Variants in MLLT6 observed in about 807,000 individuals in gnomAD.
MLLT6 encodes protein AF-17.
MLLT6 carries 22 observed loss-of-function variants against 103.0 expected under a neutral mutation model. The observed-to-expected ratio is 0.21, with a 90% CI of 0.15 to 0.31. The LOEUF (loss-of-function observed/expected upper bound fraction) is 0.31, where lower values mean the gene tolerates loss of function less well. Ranked by LOEUF, MLLT6 falls within the 10% of genes least tolerant of loss-of-function variation. The probability of loss-of-function intolerance (pLI) is 1.00; values close to 1 mark genes in which losing one functional copy is unlikely to be tolerated. For synonymous variants in MLLT6, 606 were observed against 623.5 expected (o/e 0.97, Z 0.42); for missense variants, 1,199 against 1,441.7 (o/e 0.83, Z 2.73).
chr17:38,710,992 C>T (rs115402669), intron 6 of MLLT6, among the ~76,000 whole-genome samples: 375 of 152,182 alleles, frequency 2.5e-3, no homozygotes, highest in African/African-American at 8.5e-3. Context: ...GGCCGTAATC[C>T]CAGGTTGTCC....
At position 38,724,892 on chromosome 17, in the gene MLLT6, C is replaced by A; in HGVS notation, c.3156C>A (p.Gly1052=). The A allele has an allele frequency of 6.4e-7, 1 of 1,556,006 alleles. No homozygotes were observed. The highest frequency in any genetic ancestry group is 8.7e-7 in the Non-Finnish European group (1 of 1,149,916). ...CAGCTGCAGCAGTAGCAGCAGCAGG[C>A]GGACCTCCAGTCCTCACTGCCCAGA... ...AAAAAAVAAA[G]GPPVLTAQTN... is the part of the protein sequence containing the mutation. Residue 1052 remains glycine, a synonymous_variant, in exon 19 of 20, where the codon GGC becomes GGA. Coordinates refer to ENST00000621332, the MANE Select transcript of MLLT6 (RefSeq NM_005937.4). The surrounding 1 kb of genome is among the most constrained non-coding windows in gnomAD (Gnocchi z 5.4).
At position 38,717,429 on chromosome 17, in the gene MLLT6, C is replaced by T. The variant is rs767402369; in HGVS notation, c.1652-3C>T. The T allele has an allele frequency of 6.3e-7, 1 of 1,585,908 alleles. No homozygotes were observed. Among genetic ancestry groups the T allele is most frequent in the Non-Finnish European group, 8.6e-7 (1 of 1,163,770 alleles). Reference sequence around the variant, plus strand: ...GTGCTTCCCTCTGTCCTTGTGCCTGCAGGCATCTACACCAGTAATAAGGAC... The same window carrying T: ...GTGCTTCCCTCTGTCCTTGTGCCTGTAGGCATCTACACCAGTAATAAGGAC... On this transcript the variant is annotated splice_polypyrimidine_tract_variant and splice_region_variant and intron_variant, in intron 10 of 19. Transcript: ENST00000621332.
chr17:38,719,647 C>G, intron 13 of MLLT6, 64 bp downstream of exon 13: 1 of 1,566,444 alleles, frequency 6.4e-7, no homozygotes, highest in Non-Finnish European at 8.7e-7. Flanking sequence ...GGAGGAGGGA[C>G]GGAGAGACCG....
Position 38,716,117 on chromosome 17 carries a change from TCTC to T in MLLT6, c.1037-247_1037-245del. On this transcript the variant is annotated intron_variant, in intron 9 of 19. Transcript: ENST00000621332. The surrounding 1 kb of genome is among the most constrained non-coding windows in gnomAD (Gnocchi z 5.6). ...TTTTCAAGAACCCCCATTAACATTT[TCTC>T]CTATAATCGCTACAGTCATCTGGTG... 1.7e-6 allele frequency: 1 copy of T among 597,282 alleles called. No homozygotes were observed. Among genetic ancestry groups the T allele is most frequent in the South Asian group, 2.1e-5 (1 of 46,560 alleles). The allele number at this position is 597,282 out of a possible 1,614,324, so 37.0% of individuals were successfully genotyped here. A position where few individuals can be genotyped will look rare whatever the true frequency, so the allele number is the denominator to read the frequency against.
chr17:38,707,662 G>T, intron 3 of MLLT6, 101 bp from the exon 4 acceptor site: 1 of 1,267,378 alleles, frequency 7.9e-7, no homozygotes, highest in South Asian at 1.2e-5. Context: ...GGAATCTGAT[G>T]GGAAGGCTGT....
In MLLT6 at chr17:38,707,533, T is replaced by C; in HGVS notation, c.237T>C (p.Asp79=). ...AAGACGGGGCATTGAAGAGGACTGA[T>C]AATGGAGGTGAGGCGGGCTCATCTG... ...PHKDGALKRT[D]NGGWAHVVCA... Residue 79 remains aspartate, a synonymous_variant, in exon 3 of 20, where the codon GAT becomes GAC. Coordinates refer to ENST00000621332, the MANE Select transcript of MLLT6 (RefSeq NM_005937.4). 6.2e-7 allele frequency: 1 copy of C among 1,614,018 alleles called. No individual in the cohort carries two copies.
At chr17:38,720,147 C>G (rs965667929) in intron 14 of MLLT6, 2 of 698,458 alleles carry the variant, frequency 2.9e-6, no homozygotes, top group Non-Finnish European at 4.7e-6. Flanking sequence ...CCCTTCTCTC[C>G]TGACCCGTGT....
At position 38,728,982 on chromosome 17, in the gene MLLT6, G is replaced by A. The variant is rs1906181494; in HGVS notation, c.*3384G>A. 4.3e-6 allele frequency: 1 copy of A among 232,398 alleles called. No homozygotes were observed. Among genetic ancestry groups the A allele is most frequent in the Non-Finnish European group, 8.5e-6 (1 of 118,116 alleles). 14.4% of individuals were successfully genotyped at this position (232,398 alleles called of 1,614,324 possible). A position where few individuals can be genotyped will look rare whatever the true frequency, so the allele number is the denominator to read the frequency against. The stretch of plus-strand genomic sequence containing the variant: ...TGCTGCCTCAAGGTGTCCTGACCTT[G>A]AGGCTGATGAGGGGACCCCTGCCTG... On this transcript the variant is annotated 3_prime_UTR_variant, in exon 20 of 20. Transcript: ENST00000621332.
In MLLT6 at chr17:38,726,711, C is replaced by T; in HGVS notation, c.*1113C>T. The stretch of plus-strand genomic sequence containing the variant: ...ACCCCACTGATAGCTTCCTCCTTCT[C>T]TGGCACAAGGGGAGCCCCAGGGCTT... On this transcript the variant is annotated 3_prime_UTR_variant, in exon 20 of 20. Coordinates refer to ENST00000621332, the MANE Select transcript of MLLT6 (RefSeq NM_005937.4). 4.3e-6 allele frequency: 1 copy of T among 233,596 alleles called. No individual in the cohort carries two copies. Among genetic ancestry groups the T allele is most frequent in the Non-Finnish European group, 8.5e-6 (1 of 118,034 alleles). 14.5% of individuals were successfully genotyped at this position (233,596 alleles called of 1,614,324 possible). A position where few individuals can be genotyped will look rare whatever the true frequency, so the allele number is the denominator to read the frequency against.
In MLLT6 at chr17:38,724,565, G is replaced by A; in HGVS notation, c.2884-55G>A. The stretch of plus-strand genomic sequence containing the variant: ...CCTGGCCAGGCAGGGCAGGCAGGCA[G>A]CAGGGAAGAGACCCCCGGGACTGTT... On this transcript the variant is annotated intron_variant, in intron 18 of 19. Transcript: ENST00000621332. This position sits in a 1 kb window ranked among gnomAD's most constrained non-coding sequence, Gnocchi z 5.4. The A allele has an allele frequency of 1.4e-6, 2 of 1,405,346 alleles. No homozygotes were observed. Among genetic ancestry groups the A allele is most frequent in the Non-Finnish European group, 1.9e-6 (2 of 1,034,866 alleles). 87.1% of individuals were successfully genotyped at this position (1,405,346 alleles called of 1,614,324 possible).
rs1905779965 is a variant in MLLT6, at chr17:38,722,044, C to G, written c.2609C>G (p.Pro870Arg). The change falls in exon 17 of 20, where the codon CCC (proline) becomes CGC (arginine). Residue 870 changes from proline to arginine, a missense_variant. Pro to Arg is a moderately radical substitution (Grantham distance 103). Transcript: ENST00000621332. The part of the protein sequence containing the change: ...PQPQNGLGRA[P>R]GAAGLGAMPM... ...CCGCAGAACGGGTTGGGCCGGGCAC[C>G]CGGGGCAGCGGGGCTGGGGGCCATG... The G allele has an allele frequency of 7.1e-7, 1 of 1,415,146 alleles. No homozygotes were observed. The highest frequency in any genetic ancestry group is 1.5e-5 in the African/African-American group (1 of 66,628). The allele number at this position is 1,415,146 out of a possible 1,614,324, so 87.7% of individuals were successfully genotyped here. A position where few individuals can be genotyped will look rare whatever the true frequency, so the allele number is the denominator to read the frequency against.
Position 38,715,629 on chromosome 17 carries a change from C to T in MLLT6, c.837C>T (p.Ser279=), listed in dbSNP as rs1341518812. 1 of 1,613,210 alleles carries T rather than the reference C, an allele frequency of 6.2e-7. No individual in the cohort carries two copies. Among genetic ancestry groups the T allele is most frequent in the African/African-American group, 1.3e-5 (1 of 74,916 alleles). Residue 279 remains serine, a synonymous_variant, in exon 9 of 20, where the codon TCC becomes TCT. Coordinates refer to ENST00000621332, the MANE Select transcript of MLLT6 (RefSeq NM_005937.4). ...PTADKVSSSA[S]SSSHHEASTQ... is the part of the protein sequence containing the mutation. ...TCCTTCAGGTCTCCTCCTCGGCTTC[C>T]TCTTCCTCCCACCACGAGGCCAGCA... is the stretch of plus-strand genomic sequence containing the variant.
intron 16 of MLLT6, among the ~76,000 whole-genome samples, chr17:38,721,308 GCA>G (rs1905721720): frequency 6.6e-6 from 1 of 152,144 alleles, no homozygotes; most frequent in Non-Finnish European, 1.5e-5. Context: ...AGCATTAATT[GCA>G]CACTTGCCCT....
chr17:38,709,713 C>T lies in MLLT6; in HGVS notation c.552+138C>T. The T allele has an allele frequency of 1.5e-6, 1 of 669,784 alleles. No homozygotes were observed. The highest frequency in any genetic ancestry group is 2.7e-6 in the Non-Finnish European group (1 of 373,522). 41.5% of individuals were successfully genotyped at this position (669,784 alleles called of 1,614,324 possible). A position where few individuals can be genotyped will look rare whatever the true frequency, so the allele number is the denominator to read the frequency against. On this transcript the variant is annotated intron_variant, in intron 6 of 19. Transcript: ENST00000621332. The surrounding 1 kb of genome is among the most constrained non-coding windows in gnomAD (Gnocchi z 4.3). ...AAACCCAGTCCCTGCCCAAGAGGAG[C>T]TCTTCATTCGATGAGGAATAAAGTA... is the stretch of plus-strand genomic sequence containing the variant.
rs756655176 is a variant in MLLT6, at chr17:38,728,918, A to G, written c.*3320A>G. The G allele has an allele frequency of 3.4e-5, 8 of 233,526 alleles. No homozygotes were observed. The highest frequency in any genetic ancestry group is 8.8e-5 in the African/African-American group (4 of 45,254). The allele number at this position is 233,526 out of a possible 1,614,324, so 14.5% of individuals were successfully genotyped here. The stretch of plus-strand genomic sequence containing the variant: ...AGGATTGTCTTGGTTTGTTTTTCCT[A>G]TTTGTGGGGTATTTTCCCCCTCAGG... On this transcript the variant is annotated 3_prime_UTR_variant, in exon 20 of 20. Transcript: ENST00000621332.
Position 38,722,112 on chromosome 17 carries a change from G to C in MLLT6, c.2677G>C (p.Gly893Arg). The C allele has an allele frequency of 7.3e-7, 1 of 1,375,786 alleles. No individual in the cohort carries two copies. The highest frequency in any genetic ancestry group is 9.4e-7 in the Non-Finnish European group (1 of 1,069,480). 85.2% of individuals were successfully genotyped at this position (1,375,786 alleles called of 1,614,324 possible). Residue 893 changes from glycine to arginine, a missense_variant, in exon 17 of 20, where the codon GGC (glycine) becomes CGC (arginine). Transcript: ENST00000621332. ...GTTGGGGGGGCTGGCAGGCAGTGGG[G>C]GCCTGCCCCTCAATGGGCTCCTTGG... is the stretch of plus-strand genomic sequence containing the variant. ...GLLGGLAGSG[G>R]LPLNGLLGGL...
Position 38,727,493 on chromosome 17 carries a change from AAACCACTGAAAAGAAAAGT to A in MLLT6, c.*1900_*1918del, listed in dbSNP as rs1906101161. The A allele has an allele frequency of 4.7e-6, 1 of 214,596 alleles. No individual in the cohort carries two copies. Among genetic ancestry groups the A allele is most frequent in the Non-Finnish European group, 9.4e-6 (1 of 106,270 alleles). The allele number at this position is 214,596 out of a possible 1,614,324, so 13.3% of individuals were successfully genotyped here. Reference sequence around the variant, plus strand: ...ATTAAGCTGTGTAACTCCCTGCCCCAAACCACTGAAAAGAAAAGTAACCTTCAGGCCAGGCGCGGTGGCT... The same window carrying A: ...ATTAAGCTGTGTAACTCCCTGCCCCAAACCTTCAGGCCAGGCGCGGTGGCT... On this transcript the variant is annotated 3_prime_UTR_variant, in exon 20 of 20. Transcript: ENST00000621332.
At position 38,712,676 on chromosome 17, in the gene MLLT6, C is replaced by T; in HGVS notation, c.721-15C>T. 2.5e-6 allele frequency: 4 copies of T among 1,584,026 alleles called. No individual in the cohort carries two copies. The highest frequency in any genetic ancestry group is 3.5e-6 in the Non-Finnish European group (4 of 1,152,664). On this transcript the variant is annotated splice_polypyrimidine_tract_variant and intron_variant, in intron 7 of 19. Transcript: ENST00000621332. ...AGCCCCCCAGCACAATATCTAGTCA[C>T]CTCTCCCTCTCCAGAGTCGAAAGGA...
Position 38,709,538 on chromosome 17 carries a change from A to C in MLLT6, c.515A>C (p.Lys172Thr). The C allele has an allele frequency of 6.2e-7, 1 of 1,614,234 alleles. No homozygotes were observed. Among genetic ancestry groups the C allele is most frequent in the Non-Finnish European group, 8.5e-7 (1 of 1,180,030 alleles). The stretch of plus-strand genomic sequence containing the variant: ...GAAGTGCTGGAGGTGGACAACGTCA[A>C]GTACTGCGGCTACTGCAAATACCAC... The part of the protein sequence containing the change: ...EEEVLEVDNV[K>T]YCGYCKYHFS... The change falls in exon 6 of 20, where the codon AAG (lysine) becomes ACG (threonine). Residue 172 changes from lysine to threonine, a missense_variant. Physicochemically the swap from Lys to Thr is moderately conservative, Grantham distance 78 (BLOSUM62 -1). This residue lies in a region of MLLT6 where 59 missense variants were observed against 135.1 expected (regional missense o/e 0.44). Coordinates refer to ENST00000621332, the MANE Select transcript of MLLT6 (RefSeq NM_005937.4). This position sits in a 1 kb window ranked among gnomAD's most constrained non-coding sequence, Gnocchi z 4.3.
Sources: allele counts gnomAD v4.1 joint callset (sites outside exome capture counted in the v4.1 genomes callset), GRCh38; gene constraint gnomAD v4.1.1; regional missense constraint gnomAD v4.1.1; non-coding constraint Gnocchi (gnomAD v3.1); transcripts MANE v1.5; gene names NCBI Gene and HGNC (gene_info 2026-07-23, HGNC 2026-07-21).